Variants in STAM2 observed in about 807,000 individuals in gnomAD.
The protein encoded by STAM2 is signal transducing adapter molecule 2.
In STAM2, 51 loss-of-function variants were observed where a neutral mutation model predicts 65.6. The observed-to-expected ratio is 0.78, with a 90% confidence interval of 0.62 to 0.98. The LOEUF is 0.98. Ranked by LOEUF, STAM2 falls within the 50% of genes least tolerant of loss-of-function variation. The probability of loss-of-function intolerance (pLI) is 0.00; values close to 1 mark genes in which losing one functional copy is unlikely to be tolerated. For missense variants in STAM2, 584 were observed against 617.8 expected, an observed-to-expected ratio of 0.95 and a Z score of 0.58; for synonymous variants, 198 against 208.4, an observed-to-expected ratio of 0.95 and a Z score of 0.43.
At chr2:152,153,881 T>TACACAC (rs1365344105) in intron 1 of STAM2, among the ~76,000 whole-genome samples, 13 of 83,400 alleles carry the variant, frequency 1.6e-4, no homozygotes, top group Non-Finnish European at 5.2e-5. Flanking sequence ...TTCCAGACAT[T>TACACAC]ACATACACAC....
At chr2:152,174,686 T>C (rs914310886) in intron 1 of STAM2, among the ~76,000 whole-genome samples, 8 of 152,044 alleles carry the variant, frequency 5.3e-5, no homozygotes, top group Non-Finnish European at 8.8e-5. Context: ...TTCTGTTAAC[T>C]ACTGCTACAA....
chr2:152,159,110 T>TATATATATATATATATATATACAC lies in STAM2; in HGVS notation c.41-8882_41-8881insGTGTATATATATATATATATATAT, dbSNP rs575009275. ...AAAAAAAACCATATATATATATATA[T>TATATATATATATATATATATACAC]ACACACACAGATATATATAATTTTT... On this transcript the variant is annotated intron_variant, in intron 1 of 13. Coordinates refer to ENST00000263904, the MANE Select transcript of STAM2 (RefSeq NM_005843.6). 8.0e-4 allele frequency among the ~76,000 whole-genome samples: 104 copies of TATATATATATATATATATATACAC among 129,230 alleles called. 1 individual carries two copies. The highest frequency in any genetic ancestry group is 1.4e-3 in the Non-Finnish European group (91 of 64,316). The allele number at this position is 129,230 out of a possible 152,430, so 84.8% of individuals were successfully genotyped here.
rs761263937 is a variant in STAM2 at position 152,120,630 on chromosome 2, G to C, written c.1522C>G (p.Pro508Ala). The C allele has an allele frequency of 1.2e-6, 2 of 1,614,118 alleles. No individual in the cohort carries two copies. Among genetic ancestry groups the C allele is most frequent in the Non-Finnish European group, 1.7e-6 (2 of 1,180,010 alleles). ...TGCTGCTGTGCAACTGGATGAGCTG[G>C]AACTGTCACCGGAAAGCCTGCCAGT... The part of the protein sequence containing the change: ...PQLAGFPVTV[P>A]AHPVAQQHTN... Residue 508 changes from proline to alanine, a missense_variant, in exon 14 of 14, where the codon CCA becomes GCA. Pro to Ala is a conservative substitution (Grantham distance 27). Transcript: ENST00000263904.
chr2:152,169,809 GAGGGAAA>G (rs1300611914), intron 1 of STAM2, among the ~76,000 whole-genome samples: 26 of 151,704 alleles, frequency 1.7e-4, no homozygotes, highest in African/African-American at 6.1e-4. Context: ...CTGCTGACAG[GAGGGAAA>G]TCAACAAACA....
chr2:152,140,873 G>A lies in STAM2; in HGVS notation c.704+2954C>T, dbSNP rs575667876. On this transcript the variant is annotated intron_variant, in intron 7 of 13. Coordinates refer to ENST00000263904, the MANE Select transcript of STAM2 (RefSeq NM_005843.6). ...GAGTGGGCCAGGCACAGTGGCTCAC[G>A]CCTGTAATCCCAGCACTGTGGGAGG... 5.3e-5 allele frequency among the ~76,000 whole-genome samples: 8 copies of A among 152,000 alleles called. No individual in the cohort carries two copies. In the South Asian group the frequency reaches 8.3e-4, roughly 16 times the overall value.
intron 1 of STAM2, among the ~76,000 whole-genome samples, chr2:152,162,326 C>T (rs1689695581): frequency 6.6e-6 from 1 of 151,834 alleles, no homozygotes; most frequent in Non-Finnish European, 1.5e-5. Flanking sequence ...AATCCTAGCA[C>T]TTTGGGAGGC....
intron 1 of STAM2, among the ~76,000 whole-genome samples, chr2:152,155,581 A>G (rs1689527515): frequency 6.6e-6 from 1 of 152,240 alleles, no homozygotes; most frequent in Non-Finnish European, 1.5e-5. Context: ...CAATGCTTCA[A>G]AAGCTTCTTA....
At chr2:152,157,501 G>T (rs1689575930) in intron 1 of STAM2, among the ~76,000 whole-genome samples, 3 of 152,164 alleles carry the variant, frequency 2.0e-5, no homozygotes, top group Non-Finnish European at 4.4e-5. Context: ...CTCTCTTTGT[G>T]TACACACAGC....
chr2:152,136,241 G>A (rs1689151763), intron 7 of STAM2, among the ~76,000 whole-genome samples: 1 of 152,000 alleles, frequency 6.6e-6, no homozygotes, highest in South Asian at 2.1e-4. Context: ...TCAGGAGTTC[G>A]AGACTAGCCT....
intron 1 of STAM2, among the ~76,000 whole-genome samples, chr2:152,175,337 G>C (rs921691806): frequency 6.6e-6 from 1 of 152,116 alleles, no homozygotes; most frequent in Non-Finnish European, 1.5e-5. Context: ...CGAGCCCTAG[G>C]CTCTTCCCAA....
rs750425543 is a variant in STAM2 at position 152,150,203 on chromosome 2, T to C, written c.67A>G (p.Thr23Ala). ...TCCATAATAAGACTCCAATCTTCTG[T>C]AGTGTTGTACTCATTCGTGGCTTTT... ...VEKATNEYNT[T>A]EDWSLIMDIC... The change falls in exon 2 of 14, where the codon ACA (threonine) becomes GCA (alanine). Residue 23 changes from threonine (T) to alanine (A), a missense_variant. Thr to Ala is a moderately conservative substitution (Grantham distance 58, BLOSUM62 0). Coordinates refer to ENST00000263904, the MANE Select transcript of STAM2 (RefSeq NM_005843.6). 8 of 1,613,496 alleles carry C rather than the reference T, an allele frequency of 5.0e-6. No individual in the cohort carries two copies. Among genetic ancestry groups the C allele is most frequent in the Admixed American group, 1.7e-5 (1 of 60,004 alleles).
rs768820149 is a variant in STAM2 at position 152,144,017 on chromosome 2, G to T, written c.518-4C>A. On this transcript the variant is annotated splice_polypyrimidine_tract_variant and splice_region_variant and intron_variant, in intron 6 of 13. Transcript: ENST00000263904. The stretch of plus-strand genomic sequence containing the variant: ...TCTTGCAGCGATAATTCAATAGCTA[G>T]TTTCAAAAATTAAAATGCAAAGAAA... 3 of 1,596,438 alleles carry T rather than the reference G, an allele frequency of 1.9e-6. No homozygotes were observed. The highest frequency in any genetic ancestry group is 1.7e-6 in the Non-Finnish European group (2 of 1,176,136).
At chr2:152,146,505 T>C (rs1327897782) in intron 5 of STAM2, among the ~76,000 whole-genome samples, 1 of 152,042 alleles carries the variant, frequency 6.6e-6, no homozygotes, top group African/African-American at 2.4e-5. Context: ...ACTAAAGCTA[T>C]CCCTTCTCCC....
intron 1 of STAM2, among the ~76,000 whole-genome samples, chr2:152,167,661 G>C (rs1232734443): frequency 1.3e-5 from 2 of 152,102 alleles, no homozygotes; most frequent in Non-Finnish European, 2.9e-5. Context: ...TTGGGAGGCC[G>C]AGGCAGGTGA....
Position 152,175,663 on chromosome 2 carries a change from A to G in STAM2, c.-21T>C. ...GGCATCTCGCCGGCGCCCGAGCCCT[A>G]GTCGCTGCTGTCTAGCTGACACTCA... is the stretch of plus-strand genomic sequence containing the variant. On this transcript the variant is annotated 5_prime_UTR_variant, in exon 1 of 14. Coordinates refer to ENST00000263904, the MANE Select transcript of STAM2 (RefSeq NM_005843.6). The G allele has an allele frequency of 6.2e-7, 1 of 1,606,396 alleles. No individual in the cohort carries two copies. The highest frequency in any genetic ancestry group is 8.5e-7 in the Non-Finnish European group (1 of 1,176,684).
chr2:152,167,983 G>A (rs971008393), intron 1 of STAM2, among the ~76,000 whole-genome samples: 6 of 149,838 alleles, frequency 4.0e-5, no homozygotes, highest in African/African-American at 1.5e-4. Context: ...GGAAGGGGGA[G>A]AAGAAAAGTG....
intron 1 of STAM2, among the ~76,000 whole-genome samples, chr2:152,172,742 G>A (rs1227774826): frequency 1.3e-5 from 2 of 151,612 alleles, no homozygotes; most frequent in African/African-American, 4.8e-5. Flanking sequence ...GTGGTGGTGC[G>A]CACCTGTAGT....
Position 152,135,494 on chromosome 2 carries a change from T to C in STAM2, c.799+15A>G, listed in dbSNP as rs761422594. On this transcript the variant is annotated intron_variant, in intron 8 of 13. Coordinates refer to ENST00000263904, the MANE Select transcript of STAM2 (RefSeq NM_005843.6). ...AAACTTAAATAGATCTAATGTCGTC[T>C]AAGATTTAACTTACCTGCCTCAGTC... 6.4e-7 allele frequency: 1 copy of C among 1,571,082 alleles called. No homozygotes were observed. The highest frequency in any genetic ancestry group is 8.7e-7 in the Non-Finnish European group (1 of 1,145,592).
intron 1 of STAM2, among the ~76,000 whole-genome samples, chr2:152,160,796 C>T (rs1245635136): frequency 2.0e-5 from 3 of 149,634 alleles, no homozygotes; most frequent in African/African-American, 4.9e-5. Flanking sequence ...CCCCTCTGCC[C>T]GGCCAGCCGC....
Sources: gnomAD v4.1 joint callset for allele counts (sites outside exome capture counted in the v4.1 genomes callset) on GRCh38, gnomAD v4.1.1 for gene constraint, MANE v1.5 for transcripts, NCBI Gene and HGNC (gene_info 2026-07-23, HGNC 2026-07-21) for gene names.